The following PPFIBP2 variants were observed in gnomAD, a reference collection of about 807,000 sequenced individuals.
PPFIBP2 encodes the protein liprin-beta-2.
A neutral mutation model predicts 118.3 loss-of-function variants in PPFIBP2; 118 were observed. The ratio of observed to expected loss-of-function variants is 1.00; its 90% confidence interval spans 0.86 to 1.16. PPFIBP2 has a LOEUF of 1.16. PPFIBP2 is among the 50% of genes most tolerant of loss of function. The pLI is 0.00. For synonymous variants in PPFIBP2, 414 were observed against 397.4 expected (o/e 1.04, Z -0.50); for missense variants, 1,195 against 1,073.1 (o/e 1.11, Z -1.59).
At chr11:7,653,762 C>A (rs921458171), downstream of PPFIBP2, 2 of 1,205,982 alleles carry the variant, frequency 1.7e-6, no homozygotes, top group African/African-American at 1.6e-5. Context: ...GGAAAGCAAG[C>A]AGCTCACCAT....
At chr11:7,625,988 C>A in intron 8 of PPFIBP2, 97 bp downstream of exon 8, 2 of 1,012,912 alleles carry the variant, frequency 2.0e-6, no homozygotes, top group South Asian at 1.5e-5. Flanking sequence ...TGCATATGTG[C>A]TTGTGTGTGT....
intron 23 of PPFIBP2, among the ~76,000 whole-genome samples, chr11:7,652,634 G>C (rs1001781936): frequency 1.3e-5 from 2 of 152,228 alleles, no homozygotes; most frequent in African/African-American, 4.8e-5. Flanking sequence ...GATGGTGCCA[G>C]GTGCTGAGAT....
At chr11:7,589,204 T>A (rs769580448) in intron 3 of PPFIBP2, among the ~76,000 whole-genome samples, 6 of 152,206 alleles carry the variant, frequency 3.9e-5, no homozygotes, top group Admixed American at 6.5e-5. Flanking sequence ...CTTTCTTATA[T>A]TCATCTGTGG....
intron 3 of PPFIBP2, among the ~76,000 whole-genome samples, chr11:7,580,736 A>G (rs1857142628): frequency 6.6e-6 from 1 of 152,188 alleles, no homozygotes; most frequent in Non-Finnish European, 1.5e-5. Flanking sequence ...TTTAACTATA[A>G]AATAAGGGAG....
intron 1 of PPFIBP2, among the ~76,000 whole-genome samples, chr11:7,518,346 AG>A (rs1226155417): frequency 1.3e-5 from 2 of 152,104 alleles, no homozygotes; most frequent in Non-Finnish European, 2.9e-5. Flanking sequence ...AGAGAGAAAA[AG>A]GGCTGGGTTT....
chr11:7,520,024 C>T (rs1564933092), intron 1 of PPFIBP2, among the ~76,000 whole-genome samples: 2 of 152,112 alleles, frequency 1.3e-5, no homozygotes, highest in South Asian at 2.1e-4. Flanking sequence ...GGTAGGTCCA[C>T]GGGGGACACA....
At chr11:7,620,862 G>A in intron 6 of PPFIBP2, 73 bp from the exon 7 acceptor site, 1 of 1,104,558 alleles carries the variant, frequency 9.1e-7, no homozygotes, top group Non-Finnish European at 1.4e-6. Context: ...ATATGCATGA[G>A]CTTAACCAGG....
intron 6 of PPFIBP2, chr11:7,617,139 C>G: frequency 3.0e-6 from 3 of 985,306 alleles, no homozygotes; most frequent in Non-Finnish European, 3.6e-6. Flanking sequence ...CAGTGAGCTG[C>G]AGGAGCAGAT....
At chr11:7,657,572 C>T (rs879676652), downstream of PPFIBP2, among the ~76,000 whole-genome samples, 9 of 152,172 alleles carry the variant, frequency 5.9e-5, no homozygotes, top group Non-Finnish European at 1.0e-4. Flanking sequence ...GCACCTCAAG[C>T]TCCGTGTTTC....
intron 6 of PPFIBP2, among the ~76,000 whole-genome samples, chr11:7,618,308 A>G (rs1416659300): frequency 6.6e-6 from 1 of 152,196 alleles, no homozygotes; most frequent in African/African-American, 2.4e-5. Context: ...CTTTTAAAGG[A>G]AGGAAAAACG....
intron 17 of PPFIBP2, among the ~76,000 whole-genome samples, chr11:7,647,444 C>T (rs1590796590): frequency 6.6e-6 from 1 of 152,086 alleles, no homozygotes; most frequent in Non-Finnish European, 1.5e-5. Flanking sequence ...TTTTATCTAG[C>T]TCAGTTGACT....
At chr11:7,577,332 T>TGTGTATGTGC (rs1856540128) in intron 3 of PPFIBP2, 2 of 243,552 alleles carry the variant, frequency 8.2e-6, no homozygotes, top group African/African-American at 2.6e-5. Flanking sequence ...TGTGTGTGTG[T>TGTGTATGTGC]GTGTGTGTGT....
At chr11:7,517,049 C>A (rs537103411) in intron 1 of PPFIBP2, among the ~76,000 whole-genome samples, 3 of 152,128 alleles carry the variant, frequency 2.0e-5, no homozygotes, top group Non-Finnish European at 4.4e-5. Flanking sequence ...GTGTTGGTAT[C>A]CATCGTGTCG....
intron 7 of PPFIBP2, among the ~76,000 whole-genome samples, chr11:7,621,812 A>G (rs752947072): frequency 6.6e-5 from 10 of 152,244 alleles, no homozygotes; most frequent in Admixed American, 1.3e-4. Context: ...ACCCAAGGGC[A>G]TTACTGGATG....
chr11:7,532,735 A>ACAGG (rs1405853871), intron 1 of PPFIBP2, among the ~76,000 whole-genome samples: 12 of 152,198 alleles, frequency 7.9e-5, no homozygotes, highest in Non-Finnish European at 1.2e-4. Context: ...GCTGTTGTTG[A>ACAGG]CAGTGCACAC....
In PPFIBP2 at chr11:7,616,062, C is replaced by T. The variant is rs1215007217; in HGVS notation, c.619-4873C>T. 2.6e-5 allele frequency among the ~76,000 whole-genome samples: 4 copies of T among 152,260 alleles called. No homozygotes were observed. The highest frequency in any genetic ancestry group is 6.5e-5 in the Admixed American group (1 of 15,288). On this transcript the variant is annotated intron_variant, in intron 6 of 23. Transcript: ENST00000299492. The surrounding 1 kb of genome is among the most constrained non-coding windows in gnomAD (Gnocchi z 5.2). ...GACATATGCTAAAGACAAAAGTGCACCTGCATGACCAGTGTCAGGAAGGGG... is the reference window on the plus strand; with the variant it reads ...GACATATGCTAAAGACAAAAGTGCATCTGCATGACCAGTGTCAGGAAGGGG...
At chr11:7,625,130 G>GTT (rs577862098) in intron 7 of PPFIBP2, among the ~76,000 whole-genome samples, 1 of 151,238 alleles carries the variant, frequency 6.6e-6, no homozygotes. Flanking sequence ...TGTATACAAT[G>GTT]TTTTTTTTTG....
intron 17 of PPFIBP2, among the ~76,000 whole-genome samples, chr11:7,642,812 A>G (rs4500477): frequency 0.68 from 103,185 of 152,114 alleles, 36,353 homozygotes; most frequent in East Asian, 0.96. Context: ...TATAGTCTAG[A>G]TTCCAATTAA....
the PPFIBP2 span, chr11:7,666,632 C>A: frequency 0.38 from 358,230 of 949,776 alleles, 71,155 homozygotes; most frequent in Non-Finnish European, 0.42. Flanking sequence ...CAGCATACTC[C>A]TGGCCAAAGC....
Sources: gnomAD v4.1 joint callset for allele counts (sites outside exome capture counted in the v4.1 genomes callset) on GRCh38, gnomAD v4.1.1 for gene constraint, Gnocchi (gnomAD v3.1) non-coding constraint, MANE v1.5 for transcripts, NCBI Gene and HGNC (gene_info 2026-07-23, HGNC 2026-07-21) for gene names.